The following MYO9B variants were observed in gnomAD, a reference collection of about 807,000 sequenced individuals.
MYO9B encodes the protein myosin IXB, also known as unconventional myosin-IXb.
MYO9B carries 71 observed loss-of-function variants against 229.5 expected under a neutral mutation model. That is an observed-to-expected ratio of 0.31 (90% CI 0.26 to 0.38). The LOEUF is 0.38. Among genes scored for constraint, MYO9B ranks in the 10% least tolerant of loss-of-function variants. MYO9B has a pLI of 1.00. For synonymous variants in MYO9B, 1,185 were observed against 1,235.8 expected (o/e 0.96, Z 0.86); for missense variants, 2,255 against 2,920.5 (o/e 0.77, Z 5.25).
At chr19:17,126,817 C>A (rs1200309365) in intron 2 of MYO9B, among the ~76,000 whole-genome samples, 2 of 151,448 alleles carry the variant, frequency 1.3e-5, no homozygotes, top group African/African-American at 4.8e-5. Flanking sequence ...GCGCCCACCA[C>A]CATGCCCGGC....
intron 6 of MYO9B, among the ~76,000 whole-genome samples, chr19:17,154,704 G>A (rs1448163420): frequency 6.6e-6 from 1 of 152,192 alleles, no homozygotes; most frequent in Non-Finnish European, 1.5e-5. Context: ...ACTCACGCCT[G>A]TAATCCCAGC....
In MYO9B at chr19:17,192,905, C is replaced by T. The variant is rs1052806413; in HGVS notation, c.2971C>T (p.Arg991Trp). 16 of 1,550,006 alleles carry T rather than the reference C, an allele frequency of 1.0e-5. No homozygotes were observed. The highest frequency in any genetic ancestry group is 1.4e-5 in the African/African-American group (1 of 73,176). Residue 991 changes from arginine (R) to tryptophan (W), a missense_variant, in exon 21 of 40, where the codon CGG (arginine) becomes TGG (tryptophan). Transcript: ENST00000682292. ...CGCCGTCACCATCCAGGCCTGCTGG[C>T]GGTCCTACCGGGTCCGGAGGGCGCT... The part of the protein sequence containing the change: ...RAAVTIQACW[R>W]SYRVRRALER...
In MYO9B at chr19:17,101,947, T is replaced by C; in HGVS notation, c.230T>C (p.Val77Ala). 6.2e-7 allele frequency: 1 copy of C among 1,613,460 alleles called. No homozygotes were observed. The highest frequency in any genetic ancestry group is 8.5e-7 in the Non-Finnish European group (1 of 1,179,824). ...EVKESGGEEW[V>A]LDANDSPVHR... ...AAAGAGTCGGGAGGCGAGGAATGGG[T>C]GCTGGACGCCAACGACTCGCCTGTG... Residue 77 changes from valine (V) to alanine (A), a missense_variant, in exon 2 of 40, where the codon GTG becomes GCG. By Grantham distance (64) the Val-to-Ala change is moderately conservative (BLOSUM62 0). This residue lies in a region of MYO9B where 386 missense variants were observed against 515.2 expected (regional missense o/e 0.75). Transcript: ENST00000682292. The surrounding 1 kb of genome is among the most constrained non-coding windows in gnomAD (Gnocchi z 4.7).
At chr19:17,207,623 C>G (rs1264471489) in intron 35 of MYO9B, 1 of 152,152 alleles carries the variant, frequency 6.6e-6, no homozygotes, top group South Asian at 2.1e-4. Context: ...CACCTGTAAT[C>G]CCAGCACTTT....
intron 17 of MYO9B, among the ~76,000 whole-genome samples, chr19:17,185,579 C>CAAAAAAAAAAAA (rs1477122629): frequency 6.6e-6 from 1 of 150,416 alleles, no homozygotes; most frequent in African/African-American, 2.5e-5. Flanking sequence ...ACAAAAAAAA[C>CAAAAAAAAAAAA]ACTACATCCG....
chr19:17,112,291 C>T (rs1217713974), intron 2 of MYO9B, among the ~76,000 whole-genome samples: 1 of 152,114 alleles, frequency 6.6e-6, no homozygotes, highest in Non-Finnish European at 1.5e-5. Flanking sequence ...CAGGTGGGAC[C>T]AGGAGCCGGG....
intron 1 of MYO9B, among the ~76,000 whole-genome samples, chr19:17,078,193 C>T (rs2057503580): frequency 6.6e-6 from 1 of 152,150 alleles, no homozygotes; most frequent in East Asian, 1.9e-4. Flanking sequence ...ATCCTTATGA[C>T]CCAGAGGACG....
chr19:17,212,182 G>A lies in MYO9B; in HGVS notation c.6346G>A (p.Ala2116Thr), dbSNP rs1284942459. The change falls in exon 40 of 40, where the codon GCA becomes ACA. Residue 2116 changes from alanine (A) to threonine (T), a missense_variant. Ala to Thr is a moderately conservative substitution (Grantham distance 58). This residue lies in a region of MYO9B where 331 missense variants were observed against 332.5 expected (regional missense o/e 1.00). Transcript: ENST00000682292. The surrounding 1 kb of genome is among the most constrained non-coding windows in gnomAD (Gnocchi z 5.4). ...ACATTCCGTGTACATCACGCCCGGG[G>A]CAGACCTGCCAGTGCAGGGCGCCCT... ...QIHSVYITPG[A>T]DLPVQGALEP... 1.0e-5 allele frequency: 16 copies of A among 1,580,584 alleles called. No homozygotes were observed. Among genetic ancestry groups the A allele is most frequent in the Admixed American group, 1.8e-5 (1 of 54,632 alleles).
rs1387618817 is a variant in MYO9B at position 17,134,361 on chromosome 19, T to G, written c.841-11036T>G. 4.4e-4 allele frequency among the ~76,000 whole-genome samples: 54 copies of G among 121,880 alleles called. 1 individual carries two copies. The highest frequency in any genetic ancestry group is 2.5e-4 in the South Asian group (1 of 4,008). 80.0% of individuals were successfully genotyped at this position (121,880 alleles called of 152,430 possible). A position where few individuals can be genotyped will look rare whatever the true frequency, so the allele number is the denominator to read the frequency against. ...TGTTGCAAATGACAGGATCTCTTTG[T>G]TTTTTTTTTCGTTTTGTTTGTTTTT... On this transcript the variant is annotated intron_variant, in intron 2 of 39. Transcript: ENST00000682292.
At chr19:17,078,279 G>A (rs946284508) in intron 1 of MYO9B, among the ~76,000 whole-genome samples, 2 of 152,168 alleles carry the variant, frequency 1.3e-5, no homozygotes, top group African/African-American at 4.8e-5. Context: ...GGCCGCGGTG[G>A]CTCAGGCCTG....
intron 29 of MYO9B, 80 bp from the exon 30 acceptor site, chr19:17,203,066 TC>T: frequency 7.2e-7 from 1 of 1,394,238 alleles, no homozygotes; most frequent in South Asian, 1.3e-5. Flanking sequence ...ACCCCTGAGA[TC>T]CCATGGGTCG....
chr19:17,205,150 C>CAAAA (rs759938283), intron 30 of MYO9B, 113 bp from the exon 31 acceptor site: 7 of 503,056 alleles, frequency 1.4e-5, no homozygotes, highest in Admixed American at 4.4e-5. Flanking sequence ...GACTCCATCT[C>CAAAA]AAAAAAAAAA....
rs911258180 is a variant in MYO9B, at chr19:17,206,641, C to A, written c.5387-38C>A. On this transcript the variant is annotated intron_variant, in intron 33 of 39. Transcript: ENST00000682292. ...TGGGGACAACAGGCACCTTGGGGAC[C>A]CTTGGGAGCTGACGTCCTCAAACCC... 2.0e-6 allele frequency: 3 copies of A among 1,524,622 alleles called. No individual in the cohort carries two copies. The African/African-American group carries it at 4.1e-5, about 21-fold the overall frequency. 94.4% of individuals were successfully genotyped at this position (1,524,622 alleles called of 1,614,324 possible).
intron 2 of MYO9B, among the ~76,000 whole-genome samples, chr19:17,135,415 C>T (rs1318743288): frequency 6.6e-6 from 1 of 151,930 alleles, no homozygotes. Flanking sequence ...ACACCGGGGT[C>T]CCACTTCCTC....
At position 17,172,594 on chromosome 19, in the gene MYO9B, G is replaced by A. The variant is rs2279007; in HGVS notation, c.1935+117G>A. 0.25 allele frequency: 363,238 copies of A among 1,468,926 alleles called. 46,814 individuals are homozygous for A. The highest frequency in any genetic ancestry group is 0.34 in the East Asian group (14,235 of 41,404). The allele number at this position is 1,468,926 out of a possible 1,614,324, so 91.0% of individuals were successfully genotyped here. On this transcript the variant is annotated intron_variant, in intron 12 of 39. Coordinates refer to ENST00000682292, the MANE Select transcript of MYO9B (RefSeq NM_004145.4). This position sits in a 1 kb window ranked among gnomAD's most constrained non-coding sequence, Gnocchi z 8.2. ...TTCCAGGGTGCTCAGAACCCACCGC[G>A]AATCCCCGGCTCCAATGTCCAAGGC...
intron 21 of MYO9B, among the ~76,000 whole-genome samples, chr19:17,194,142 A>G (rs1224817364): frequency 6.6e-6 from 1 of 152,040 alleles, no homozygotes; most frequent in Non-Finnish European, 1.5e-5. Context: ...ACTGCATTCC[A>G]GCCTGGACAA....
chr19:17,202,740 A>G, intron 28 of MYO9B, 102 bp from the exon 29 acceptor site: 1 of 1,163,644 alleles, frequency 8.6e-7, no homozygotes, highest in Non-Finnish European at 1.2e-6. Context: ...CAGGTGAGGG[A>G]GGGTTCAGGG....
intron 1 of MYO9B, among the ~76,000 whole-genome samples, chr19:17,079,656 C>A (rs1221515215): frequency 2.0e-5 from 3 of 152,108 alleles, no homozygotes; most frequent in African/African-American, 7.2e-5. Flanking sequence ...TGCTTGGCCC[C>A]CTCCTTGACC....
intron 2 of MYO9B, among the ~76,000 whole-genome samples, chr19:17,143,896 G>C (rs914829001): frequency 1.3e-5 from 2 of 152,186 alleles, no homozygotes; most frequent in Non-Finnish European, 2.9e-5. Flanking sequence ...ACCCCAGCCT[G>C]GGCAACAGGG....
Sources: allele counts gnomAD v4.1 joint callset (sites outside exome capture counted in the v4.1 genomes callset), GRCh38; gene constraint gnomAD v4.1.1; regional missense constraint gnomAD v4.1.1; non-coding constraint Gnocchi (gnomAD v3.1); transcripts MANE v1.5; gene names NCBI Gene and HGNC (gene_info 2026-07-23, HGNC 2026-07-21).